The following PTPRH variants were observed in gnomAD, a reference collection of about 807,000 sequenced individuals.
PTPRH encodes protein tyrosine phosphatase receptor type H.
Under a neutral mutation model 130.2 loss-of-function variants are expected in PTPRH, and 113 were observed. The ratio of observed to expected loss-of-function variants is 0.87; its 90% CI spans 0.75 to 1.01. The LOEUF (loss-of-function observed/expected upper bound fraction) is 1.01, where lower values mean the gene tolerates loss of function less well. Among genes scored for constraint, PTPRH ranks in the 50% least tolerant of loss-of-function variants. PTPRH has a pLI of 0.00. For missense variants in PTPRH, 1,430 were observed against 1,425.0 expected (o/e 1.00, Z -0.06); for synonymous variants, 556 against 577.9 (o/e 0.96, Z 0.54).
rs2087166688 is a variant in PTPRH at position 55,209,254 on chromosome 19, G to A, written c.51+129C>T. The stretch of plus-strand genomic sequence containing the variant: ...TCCTACAGTCTCTGCCAAGCCTGAA[G>A]CCCTCTTCCTTCTCCAGGGGATCTT... On this transcript the variant is annotated intron_variant, in intron 1 of 19. Coordinates refer to ENST00000376350, the MANE Select transcript of PTPRH (RefSeq NM_002842.5). This position sits in a 1 kb window ranked among gnomAD's most constrained non-coding sequence, Gnocchi z 4.1. 19 of 807,094 alleles carry A rather than the reference G, an allele frequency of 2.4e-5. No homozygotes were observed. The South Asian group carries it at 2.8e-4, about 12-fold the overall frequency. 50.0% of individuals were successfully genotyped at this position (807,094 alleles called of 1,614,324 possible).
At chr19:55,186,080 G>A (rs1156520283) in intron 16 of PTPRH, 96 bp from the exon 17 acceptor site, 4 of 1,594,366 alleles carry the variant, frequency 2.5e-6, no homozygotes, top group Non-Finnish European at 3.4e-6. Context: ...GATGGGCTGG[G>A]GGGAGAGTGG....
At chr19:55,192,620 C>T (rs1430895706) in intron 10 of PTPRH, among the ~76,000 whole-genome samples, 2 of 150,678 alleles carry the variant, frequency 1.3e-5, no homozygotes, top group Admixed American at 1.3e-4. Flanking sequence ...GGTGCGACCT[C>T]GGCTCACTGC....
rs143223526 is a variant in PTPRH, at chr19:55,201,469, G to A, written c.1153+587C>T. On this transcript the variant is annotated intron_variant, in intron 6 of 19. Transcript: ENST00000376350. Reference sequence around the variant, plus strand: ...TTCCAATATGGTAGGCATTAGCACCGTGGAGGATGAAGGGGGGACTGGGAG... The same window carrying A: ...TTCCAATATGGTAGGCATTAGCACCATGGAGGATGAAGGGGGGACTGGGAG... 1.6e-3 allele frequency among the ~76,000 whole-genome samples: 245 copies of A among 152,372 alleles called. 1 individual carries two copies. The highest frequency in any genetic ancestry group is 3.4e-3 in the Middle Eastern group (1 of 294).
intron 10 of PTPRH, among the ~76,000 whole-genome samples, chr19:55,193,612 T>C (rs1600023684): frequency 6.6e-6 from 1 of 151,964 alleles, no homozygotes. Context: ...GAAGCAGAGG[T>C]GCAGCTCAAT....
At chr19:55,200,178 G>T in intron 7 of PTPRH, 58 bp downstream of exon 7, 4 of 1,585,940 alleles carry the variant, frequency 2.5e-6, no homozygotes, top group Non-Finnish European at 3.4e-6. Context: ...GTGCCACGCC[G>T]CTCCTGCTGG....
chr19:55,190,239 G>A (rs947675932), intron 12 of PTPRH, among the ~76,000 whole-genome samples: 3 of 150,816 alleles, frequency 2.0e-5, no homozygotes, highest in Admixed American at 6.7e-5. Context: ...GCGTGGTGGT[G>A]CATGCCTGTA....
intron 12 of PTPRH, among the ~76,000 whole-genome samples, chr19:55,190,611 T>C (rs1445065386): frequency 7.4e-6 from 1 of 135,362 alleles, no homozygotes; most frequent in Non-Finnish European, 1.5e-5. Flanking sequence ...TTATATATTA[T>C]ATATATTATA....
In PTPRH at chr19:55,206,948, G is replaced by T. The variant is rs558088945; in HGVS notation, c.93C>A (p.Asn31Lys). The change falls in exon 3 of 20, where the codon AAC (asparagine) becomes AAA (lysine). Residue 31 changes from asparagine (N) to lysine (K), a missense_variant. Physicochemically the swap from Asn to Lys is moderately conservative, Grantham distance 94. Coordinates refer to ENST00000376350, the MANE Select transcript of PTPRH (RefSeq NM_002842.5). Reference protein sequence around the residue: ...SWTGARAPAPNPGRNLTVETQ... With the variant: ...SWTGARAPAPKPGRNLTVETQ... The stretch of plus-strand genomic sequence containing the variant: ...TCTCCACTGTCAGGTTCCTCCCTGG[G>T]TTGGGGGCTGAGAATTGGGAAGGAA... The T allele has an allele frequency of 1.9e-5, 31 of 1,592,830 alleles. No individual in the cohort carries two copies. In the African/African-American group the frequency reaches 3.4e-4, roughly 17 times the overall value.
intron 5 of PTPRH, among the ~76,000 whole-genome samples, chr19:55,203,284 G>A (rs1322361865): frequency 4.9e-4 from 67 of 135,530 alleles, no homozygotes; most frequent in Non-Finnish European, 4.6e-5. Context: ...CCAAGATTGC[G>A]CCACTGCACT....
chr19:55,194,274 C>T (rs372716033), intron 10 of PTPRH: 7 of 1,289,484 alleles, frequency 5.4e-6, no homozygotes, highest in East Asian at 1.1e-4. Flanking sequence ...CTTGAAGGCC[C>T]CCAAGCTGCA....
intron 3 of PTPRH, among the ~76,000 whole-genome samples, chr19:55,205,810 A>G (rs567398513): frequency 2.0e-4 from 31 of 152,356 alleles, no homozygotes; most frequent in African/African-American, 7.5e-4. Context: ...CGGCTTTCGA[A>G]GAGTTCGTAT....
chr19:55,196,888 C>G, intron 9 of PTPRH, 100 bp from the exon 10 acceptor site: 1 of 1,430,952 alleles, frequency 7.0e-7, no homozygotes, highest in Non-Finnish European at 9.5e-7. Flanking sequence ...ATCCCTTCCT[C>G]GCCAAATCCA....
chr19:55,187,923 A>T (rs944806880), intron 13 of PTPRH, among the ~76,000 whole-genome samples, 155 bp downstream of exon 13: 1 of 150,560 alleles, frequency 6.6e-6, no homozygotes, highest in African/African-American at 2.4e-5. Flanking sequence ...GTGAGTGGAA[A>T]GATAACATGG....
In PTPRH at chr19:55,200,170, G is replaced by A. The variant is rs1600056956; in HGVS notation, c.1420+66C>T. The A allele has an allele frequency of 8.3e-6, 13 of 1,566,396 alleles. No individual in the cohort carries two copies. The South Asian group carries it at 1.1e-4, about 13-fold the overall frequency. The stretch of plus-strand genomic sequence containing the variant: ...TACAGAGCCAGAGCCCAGAAGAGGT[G>A]CCACGCCGCTCCTGCTGGTTCTTAA... On this transcript the variant is annotated intron_variant, in intron 7 of 19. Coordinates refer to ENST00000376350, the MANE Select transcript of PTPRH (RefSeq NM_002842.5).
intron 14 of PTPRH, among the ~76,000 whole-genome samples, chr19:55,186,759 C>G (rs935799416): frequency 7.2e-5 from 11 of 151,980 alleles, no homozygotes; most frequent in African/African-American, 2.4e-4. Context: ...TCAAAGGGAC[C>G]CACAGCCGGG....
chr19:55,206,867 T>G lies in PTPRH; in HGVS notation c.174A>C (p.Ser58=). ...LSWEVPDGLD[S]QNSNYWVQCT... is the part of the protein sequence containing the mutation. ...ACTGAACCCAGTAGTTGGAGTTCTG[T>G]GAGTCTAGGCCATCGGGGACCTCCC... Residue 58 remains serine (S), a synonymous_variant, in exon 3 of 20, where the codon TCA becomes TCC. Coordinates refer to ENST00000376350, the MANE Select transcript of PTPRH (RefSeq NM_002842.5). 1.2e-6 allele frequency: 2 copies of G among 1,614,068 alleles called. No individual in the cohort carries two copies. Among genetic ancestry groups the G allele is most frequent in the Non-Finnish European group, 1.7e-6 (2 of 1,179,958 alleles).
rs2086639817 is a variant in PTPRH at position 55,194,896 on chromosome 19, T to C, written c.2257+1626A>G. ...AACTGGATCAATGAATGGATAAAAATGAATGGGTAGGCCAGGTGCGGTGGC... is the reference window on the plus strand; with the variant it reads ...AACTGGATCAATGAATGGATAAAAACGAATGGGTAGGCCAGGTGCGGTGGC... On this transcript the variant is annotated intron_variant, in intron 10 of 19. Coordinates refer to ENST00000376350, the MANE Select transcript of PTPRH (RefSeq NM_002842.5). 2.0e-5 allele frequency among the ~76,000 whole-genome samples: 3 copies of C among 152,198 alleles called. No homozygotes were observed. The South Asian group carries it at 6.2e-4, about 32-fold the overall frequency.
At chr19:55,190,094 G>C (rs1251852355) in intron 12 of PTPRH, among the ~76,000 whole-genome samples, 1 of 152,008 alleles carries the variant, frequency 6.6e-6, no homozygotes, top group African/African-American at 2.4e-5. Context: ...AAATAGGCCA[G>C]GGGCTGTGGC....
chr19:55,204,858 T>G (rs2086993443), intron 4 of PTPRH, among the ~76,000 whole-genome samples: 1 of 152,176 alleles, frequency 6.6e-6, no homozygotes, highest in African/African-American at 2.4e-5. Flanking sequence ...TTAACGAGCT[T>G]AAATTTAATA....
Sources: allele counts gnomAD v4.1 joint callset (sites outside exome capture counted in the v4.1 genomes callset), GRCh38; gene constraint gnomAD v4.1.1; non-coding constraint Gnocchi (gnomAD v3.1); transcripts MANE v1.5; gene names NCBI Gene and HGNC (gene_info 2026-07-23, HGNC 2026-07-21).